ERG: variants seen among roughly 807,000 people sequenced by gnomAD.
ERG encodes the protein ETS transcription factor ERG.
ERG carries 9 observed loss-of-function variants against 55.3 expected under a neutral mutation model. The ratio of observed to expected loss-of-function variants is 0.16; its 90% confidence interval spans 0.10 to 0.28. The LOEUF is 0.28. Ranked by LOEUF, ERG falls within the 10% of genes least tolerant of loss-of-function variation. ERG has a pLI of 1.00. For missense variants in ERG, 434 were observed against 631.6 expected, an observed-to-expected ratio of 0.69 and a Z score of 3.35; for synonymous variants, 223 against 237.3, an observed-to-expected ratio of 0.94 and a Z score of 0.55.
chr21:38,573,563 A>G lies in ERG; in HGVS notation c.-41+2099T>C, dbSNP rs554146653. Among the ~76,000 whole-genome samples the G allele has an allele frequency of 7.7e-4, 117 of 152,362 alleles. 1 individual carries two copies. Among genetic ancestry groups the G allele is most frequent in the South Asian group, 3.7e-3 (18 of 4,828 alleles). On this transcript the variant is annotated intron_variant, in intron 2 of 8. Coordinates refer to the ERG transcript ENST00000398897. ...AAACATACATCTGGCCTATGTGCAC[A>G]TCCAGGCATAGTACCTTCCCTTGAA...
chr21:38,519,555 T>G (rs189985226), intron 2 of ERG, among the ~76,000 whole-genome samples: 13 of 152,360 alleles, frequency 8.5e-5, no homozygotes, highest in Admixed American at 7.8e-4. Flanking sequence ...GACTCTCATT[T>G]GCTTAACCCA....
chr21:38,596,055 T>TG lies in ERG; in HGVS notation c.-149-11111_-149-11110insC, dbSNP rs1568938862. Among the ~76,000 whole-genome samples the TG allele has an allele frequency of 8.0e-3, 824 of 103,512 alleles. 32 individuals are homozygous for TG. Among genetic ancestry groups the TG allele is most frequent in the African/African-American group, 0.034 (763 of 22,518 alleles). 67.9% of individuals were successfully genotyped at this position (103,512 alleles called of 152,430 possible). A position where few individuals can be genotyped will look rare whatever the true frequency, so the allele number is the denominator to read the frequency against. On this transcript the variant is annotated intron_variant, in intron 1 of 10. Coordinates refer to the ERG transcript ENST00000398910. ...TCTCTATATAAAAATTGGTGTGGGA[T>TG]TGGGGGGGGGGGGTCTCTTTTTATA...
At chr21:38,436,348 A>C (rs1358882321) in intron 2 of ERG, among the ~76,000 whole-genome samples, 1 of 152,146 alleles carries the variant, frequency 6.6e-6, no homozygotes, top group Non-Finnish European at 1.5e-5. Context: ...GATAGTAATA[A>C]ATGTTTCTAA....
At chr21:38,593,157 C>T (rs575063647) in intron 1 of ERG, among the ~76,000 whole-genome samples, 1 of 152,310 alleles carries the variant, frequency 6.6e-6, no homozygotes, top group African/African-American at 2.4e-5. Context: ...CACACAGCAG[C>T]AAAACAGCGC....
chr21:38,499,882 GAA>G (rs1335512628), upstream of ERG, among the ~76,000 whole-genome samples: 1 of 151,518 alleles, frequency 6.6e-6, no homozygotes, highest in Non-Finnish European at 1.5e-5. Context: ...GGGAGGGAAA[GAA>G]AGAAGGAAAA....
rs866679210 is a variant in ERG at position 38,658,978 on chromosome 21, G to A, written c.-150+2680C>T. 1.2e-4 allele frequency among the ~76,000 whole-genome samples: 19 copies of A among 152,230 alleles called. 1 individual carries two copies. The South Asian group carries it at 1.9e-3, about 15-fold the overall frequency. On this transcript the variant is annotated intron_variant, in intron 1 of 10. Coordinates refer to the ERG transcript ENST00000398910. ...ATTCCTCATGAAATAACAGATAAAC[G>A]TGAAATCATGTACTACAATTCTACT...
At chr21:38,433,993 A>C (rs1048800705) in intron 2 of ERG, among the ~76,000 whole-genome samples, 3 of 151,780 alleles carry the variant, frequency 2.0e-5, no homozygotes, top group Non-Finnish European at 4.4e-5. Flanking sequence ...ATGTCCCCGA[A>C]CTCTTCCAAA....
chr21:38,626,654 C>G (rs999299369), intron 1 of ERG, among the ~76,000 whole-genome samples: 19 of 151,510 alleles, frequency 1.3e-4, no homozygotes, highest in African/African-American at 4.6e-4. Context: ...AAAAGGGAAG[C>G]ACGTTATGAA....
At chr21:38,645,885 A>G (rs1246501088) in intron 1 of ERG, among the ~76,000 whole-genome samples, 4 of 152,162 alleles carry the variant, frequency 2.6e-5, no homozygotes, top group Admixed American at 2.0e-4. Flanking sequence ...CAGCCCCCAG[A>G]TAGAAGCATA....
intron 1 of ERG, among the ~76,000 whole-genome samples, chr21:38,657,761 A>G (rs950966062): frequency 6.6e-6 from 1 of 152,214 alleles, no homozygotes; most frequent in Non-Finnish European, 1.5e-5. Flanking sequence ...CTGACAATGC[A>G]TAATGGACAA....
chr21:38,391,632 G>A lies in ERG; in HGVS notation c.871+27C>T, dbSNP rs770483846. 3.8e-6 allele frequency: 6 copies of A among 1,587,644 alleles called. No individual in the cohort carries two copies. The South Asian group carries it at 6.8e-5, about 18-fold the overall frequency. On this transcript the variant is annotated intron_variant, in intron 8 of 9. Transcript: ENST00000288319. ...TGCTGAGCCTGAATCTTCTCTTATG[G>A]TTATCCAGACGGCCCCTGAAACATA... is the stretch of plus-strand genomic sequence containing the variant.
At chr21:38,423,193 T>TTGTATTTTTAAATACAGG (rs1989627735) in intron 3 of ERG, among the ~76,000 whole-genome samples, 1 of 152,050 alleles carries the variant, frequency 6.6e-6, no homozygotes, top group Non-Finnish European at 1.5e-5. Flanking sequence ...TTTTAAATAT[T>TTGTATTTTTAAATACAGG]TGTATTTTTA....
Position 38,382,115 on chromosome 21 carries a change from A to G in ERG, c.*1288T>C. Reference sequence around the variant, plus strand: ...TAACTTCATATTGTAAACATTAAGCATACAGAGTTAAAATTCAAGGCCACA... The same window carrying G: ...TAACTTCATATTGTAAACATTAAGCGTACAGAGTTAAAATTCAAGGCCACA... On this transcript the variant is annotated 3_prime_UTR_variant, in exon 10 of 10. Transcript: ENST00000288319. 9.5e-7 allele frequency: 1 copy of G among 1,055,496 alleles called. No individual in the cohort carries two copies. Among genetic ancestry groups the G allele is most frequent in the African/African-American group, 1.7e-5 (1 of 60,576 alleles). The allele number at this position is 1,055,496 out of a possible 1,614,324, so 65.4% of individuals were successfully genotyped here.
chr21:38,651,154 A>G (rs1423750106), intron 1 of ERG, among the ~76,000 whole-genome samples: 1 of 152,248 alleles, frequency 6.6e-6, no homozygotes, highest in African/African-American at 2.4e-5. Flanking sequence ...CTTTAAAAGC[A>G]TGAAGTGACT....
chr21:38,397,533 G>A (rs1569064096), intron 6 of ERG, among the ~76,000 whole-genome samples: 2 of 146,232 alleles, frequency 1.4e-5, no homozygotes, highest in East Asian at 2.1e-4. Context: ...GGGAGGCAGA[G>A]GTTGTGGTGA....
intron 3 of ERG, among the ~76,000 whole-genome samples, chr21:38,421,169 G>T (rs1989524100): frequency 6.6e-6 from 1 of 152,208 alleles, no homozygotes; most frequent in Non-Finnish European, 1.5e-5. Flanking sequence ...ACAGCAGCAA[G>T]TGAGGCAGTC....
At chr21:38,592,752 T>C (rs992764647) in intron 1 of ERG, among the ~76,000 whole-genome samples, 2 of 152,196 alleles carry the variant, frequency 1.3e-5, no homozygotes, top group African/African-American at 4.8e-5. Context: ...ACCTTTAAAG[T>C]GCAGTTTTGC....
chr21:38,392,041 G>A (rs1474255771), intron 7 of ERG, among the ~76,000 whole-genome samples: 1 of 151,942 alleles, frequency 6.6e-6, no homozygotes, highest in Non-Finnish European at 1.5e-5. Flanking sequence ...GAAACCACCA[G>A]TCAAATAAAG....
At chr21:38,579,847 GTCTC>G (rs1190496391) in intron 1 of ERG, among the ~76,000 whole-genome samples, 1 of 149,598 alleles carries the variant, frequency 6.7e-6, no homozygotes, top group Non-Finnish European at 1.5e-5. Context: ...TTGAGACGGA[GTCTC>G]TCTCTGTTGC....
Sources: gnomAD v4.1 joint callset for allele counts (sites outside exome capture counted in the v4.1 genomes callset) on GRCh38, gnomAD v4.1.1 for gene constraint, MANE v1.5 for transcripts, NCBI Gene and HGNC (gene_info 2026-07-23, HGNC 2026-07-21) for gene names.